The following BFSP1 variants were observed in gnomAD, a reference collection of about 807,000 sequenced individuals.
The protein encoded by BFSP1 is beaded filament structural protein 1.
BFSP1 carries 38 observed loss-of-function variants against 43.9 expected under a neutral mutation model. The observed-to-expected ratio is 0.87, with a 90% CI of 0.67 to 1.14. The LOEUF (loss-of-function observed/expected upper bound fraction) is 1.14, where lower values mean the gene tolerates loss of function less well. BFSP1 is among the 50% of genes most tolerant of loss of function. The pLI, the probability that BFSP1 is intolerant of heterozygous loss-of-function variation, is 0.00. For synonymous variants in BFSP1, 352 were observed against 354.8 expected (o/e 0.99, Z 0.09); for missense variants, 850 against 875.1 (o/e 0.97, Z 0.36).
In BFSP1 at chr20:17,566,810, C is replaced by T. The variant is rs139468734; in HGVS notation, n.50+2361G>A. 4.4e-3 allele frequency among the ~76,000 whole-genome samples: 676 copies of T among 152,246 alleles called. 4 individuals carry two copies. Among genetic ancestry groups the T allele is most frequent in the African/African-American group, 0.015 (637 of 41,516 alleles). Reference sequence around the variant, plus strand: ...CTGAGATTACAGGTGCCTGCCACCACGCCTGGCTGATTTTTGTATTTTTAG... The same window carrying T: ...CTGAGATTACAGGTGCCTGCCACCATGCCTGGCTGATTTTTGTATTTTTAG... On this transcript the variant is annotated intron_variant and non_coding_transcript_variant, in intron 1 of 6. Coordinates refer to the BFSP1 transcript ENST00000473415.
upstream of BFSP1, chr20:17,559,039 G>T (rs945676267): frequency 2.7e-5 from 6 of 225,486 alleles, no homozygotes; most frequent in East Asian, 9.1e-5. Context: ...AAAAAGAAGA[G>T]TAAAGAAAAA....
chr20:17,499,242 ATTTTTTTTTTTT>A (rs11339300), intron 5 of BFSP1, among the ~76,000 whole-genome samples: 4 of 129,632 alleles, frequency 3.1e-5, no homozygotes, highest in Non-Finnish European at 4.9e-5. Flanking sequence ...TCCTTACACA[ATTTTTTTTTTTT>A]TTTTTTTTGA....
At chr20:17,512,397 C>G (rs1267448303) in intron 3 of BFSP1, among the ~76,000 whole-genome samples, 2 of 135,870 alleles carry the variant, frequency 1.5e-5, no homozygotes, top group African/African-American at 5.4e-5. Flanking sequence ...CCCTGGGTGG[C>G]GGAGGCACAA....
intron 5 of BFSP1, among the ~76,000 whole-genome samples, chr20:17,502,221 C>T (rs2033820970): frequency 6.6e-6 from 1 of 151,762 alleles, no homozygotes; most frequent in Non-Finnish European, 1.5e-5. Flanking sequence ...AACTGGCAGA[C>T]AGCACCTTAA....
chr20:17,534,477 C>T (rs113459439), upstream of BFSP1, among the ~76,000 whole-genome samples: 2,910 of 152,310 alleles, frequency 0.019, 38 homozygotes, highest in African/African-American at 0.027. Flanking sequence ...ATAGCAAGCA[C>T]CATCTTTCAC....
intron 1 of BFSP1, among the ~76,000 whole-genome samples, chr20:17,555,635 A>G (rs1012405577): frequency 1.3e-5 from 2 of 152,240 alleles, no homozygotes; most frequent in Non-Finnish European, 2.9e-5. Context: ...CCTGGGCAAC[A>G]GAATGAGACC....
At chr20:17,538,574 G>T (rs182686571) in intron 1 of BFSP1, among the ~76,000 whole-genome samples, 13 of 152,114 alleles carry the variant, frequency 8.5e-5, no homozygotes, top group Non-Finnish European at 1.6e-4. Context: ...TGACAACCAC[G>T]GTAGGAGTTT....
At position 17,514,701 on chromosome 20, in the gene BFSP1, C is replaced by G. The variant is rs2034159582; in HGVS notation, c.534+20G>C. ...CAAACTGGGTTTTCTAGAGGAAGGG[C>G]TTCAAGGGGTCATGATTACCTTCTT... On this transcript the variant is annotated intron_variant, in intron 3 of 7. Coordinates refer to ENST00000377873, the MANE Select transcript of BFSP1 (RefSeq NM_001195.5). 6.2e-7 allele frequency: 1 copy of G among 1,611,310 alleles called. No individual in the cohort carries two copies. Among genetic ancestry groups the G allele is most frequent in the Non-Finnish European group, 8.5e-7 (1 of 1,177,794 alleles).
chr20:17,515,996 G>A (rs1027339612), intron 2 of BFSP1, among the ~76,000 whole-genome samples: 1 of 152,192 alleles, frequency 6.6e-6, no homozygotes, highest in Non-Finnish European at 1.5e-5. Context: ...GTGCTACTAG[G>A]GTTTCGGTCT....
chr20:17,567,707 C>G (rs946464768), intron 1 of BFSP1, among the ~76,000 whole-genome samples: 2 of 151,910 alleles, frequency 1.3e-5, no homozygotes, highest in African/African-American at 4.8e-5. Context: ...ACTAAAAATA[C>G]AAAATTAGCC....
intron 2 of BFSP1, chr20:17,517,167 G>A (rs1038706832): frequency 8.6e-6 from 7 of 811,626 alleles, no homozygotes; most frequent in East Asian, 2.4e-5. Context: ...TAAGGTAGAC[G>A]AGAATGGCAA....
intron 1 of BFSP1, among the ~76,000 whole-genome samples, chr20:17,530,479 A>G (rs2034510056): frequency 6.6e-6 from 1 of 152,228 alleles, no homozygotes; most frequent in South Asian, 2.1e-4. Flanking sequence ...ATCCCGTAAG[A>G]TTCTATTTTT....
chr20:17,508,076 T>C (rs2033983678), intron 5 of BFSP1, among the ~76,000 whole-genome samples: 1 of 152,236 alleles, frequency 6.6e-6, no homozygotes, highest in African/African-American at 2.4e-5. Context: ...GTCCGATTTT[T>C]ACACGTTTTG....
chr20:17,542,586 G>A (rs2034736435), intron 1 of BFSP1, among the ~76,000 whole-genome samples: 1 of 151,902 alleles, frequency 6.6e-6, no homozygotes, highest in Non-Finnish European at 1.5e-5. Context: ...GTGACAAAGT[G>A]AGACCCCATC....
chr20:17,531,233 CG>C lies in BFSP1; in HGVS notation c.96del (p.Asp32GlufsTer106). ...SRAAEPERPA[D>X]EGWAGATSLA... ...AGGCTCGTTGCCCCAGCCCAGCCCT[CG>C]TCGGCCGGGCGCTCGGGCTCGGCGG... On this transcript the variant is annotated frameshift_variant, in exon 1 of 8. Transcript: ENST00000377873. LOFTEE classifies it high-confidence loss of function. The C allele has an allele frequency of 7.2e-7, 1 of 1,396,132 alleles. No homozygotes were observed. The highest frequency in any genetic ancestry group is 9.3e-7 in the Non-Finnish European group (1 of 1,074,898). 86.5% of individuals were successfully genotyped at this position (1,396,132 alleles called of 1,614,324 possible).
rs1254373860 is a variant in BFSP1 at position 17,497,023 on chromosome 20, C to A, written c.957G>T (p.Arg319Ser). 2 of 1,532,354 alleles carry A rather than the reference C, an allele frequency of 1.3e-6. No individual in the cohort carries two copies. The highest frequency in any genetic ancestry group is 5.1e-5 in the East Asian group (2 of 39,366). 94.9% of individuals were successfully genotyped at this position (1,532,354 alleles called of 1,614,324 possible). ...YHRIIEIEGN[R>S]LTSAFIETPI... ...GAGTTTCAATGAAGGCAGAGGTCAG[C>A]CTGGCAGAAAGAACCAGAAAGAACA... Residue 319 changes from arginine (R) to serine (S), a missense_variant and splice_region_variant, in exon 7 of 8, where the codon AGG (arginine) becomes AGT (serine). Arg to Ser is a moderately radical substitution (Grantham distance 110). Transcript: ENST00000377873.
chr20:17,543,859 C>T (rs1286723091), intron 1 of BFSP1, among the ~76,000 whole-genome samples: 1 of 152,248 alleles, frequency 6.6e-6, no homozygotes, highest in African/African-American at 2.4e-5. Flanking sequence ...ACACAAGACA[C>T]TGAACCTCTC....
chr20:17,547,026 CAAAAA>C (rs11324389), intron 1 of BFSP1, among the ~76,000 whole-genome samples: 2 of 77,584 alleles, frequency 2.6e-5, no homozygotes. Context: ...GACTCCATCT[CAAAAA>C]AAAAAAAAAA....
intron 5 of BFSP1, among the ~76,000 whole-genome samples, chr20:17,501,075 G>A (rs771515362): frequency 2.0e-5 from 3 of 152,134 alleles, no homozygotes; most frequent in African/African-American, 7.2e-5. Context: ...GCCACACTTC[G>A]AGTCACAAGG....
Sources: gnomAD v4.1 joint callset for allele counts (sites outside exome capture counted in the v4.1 genomes callset) on GRCh38, gnomAD v4.1.1 for gene constraint, MANE v1.5 for transcripts, NCBI Gene and HGNC (gene_info 2026-07-23, HGNC 2026-07-21) for gene names.